Variants in GPRIN3 observed in about 807,000 individuals in gnomAD.
GPRIN3 encodes the protein G protein-regulated inducer of neurite outgrowth 3.
In GPRIN3, 12 loss-of-function variants were observed where a neutral mutation model predicts 13.7. The ratio of observed to expected loss-of-function variants is 0.87; its 90% confidence interval spans 0.56 to 1.42. GPRIN3 has a LOEUF of 1.42. Among genes scored for constraint, GPRIN3 ranks in the 40% most tolerant of loss-of-function variants. GPRIN3 has a pLI of 0.00. For missense variants in GPRIN3, 1,009 were observed against 958.7 expected (o/e 1.05, Z -0.69); for synonymous variants, 377 against 372.7 (o/e 1.01, Z -0.13).
intron 1 of GPRIN3, among the ~76,000 whole-genome samples, chr4:89,272,227 C>A (rs1173563930): frequency 6.6e-6 from 1 of 152,072 alleles, no homozygotes; most frequent in East Asian, 1.9e-4. Context: ...GGAAATGGGG[C>A]CTGTATCTTA....
intron 1 of GPRIN3, among the ~76,000 whole-genome samples, chr4:89,263,653 T>C (rs1267849997): frequency 2.0e-5 from 3 of 152,196 alleles, no homozygotes; most frequent in Non-Finnish European, 4.4e-5. Flanking sequence ...AAGTACCCCA[T>C]CTTTAGCTGA....
At chr4:89,290,146 T>G (rs924892776) in intron 1 of GPRIN3, among the ~76,000 whole-genome samples, 4 of 151,714 alleles carry the variant, frequency 2.6e-5, no homozygotes, top group African/African-American at 9.7e-5. Context: ...AATTTCTGTA[T>G]TTTTTGTAGA....
At position 89,238,946 on chromosome 4, in the gene GPRIN3, A is replaced by C. The variant is rs1722853161; in HGVS notation, c.*8834T>G. On this transcript the variant is annotated 3_prime_UTR_variant, in exon 2 of 2. Transcript: ENST00000609438. ...ATGGTAAAACTAAGTCATTAGTTGA[A>C]TATCAGAATTTTAAGCATCCATTCA... is the stretch of plus-strand genomic sequence containing the variant. 6.6e-6 allele frequency: 1 copy of C among 152,222 alleles called. No homozygotes were observed. The highest frequency in any genetic ancestry group is 6.5e-5 in the Admixed American group (1 of 15,282). The allele number at this position is 152,222 out of a possible 1,614,324, so 9.4% of individuals were successfully genotyped here. A position where few individuals can be genotyped will look rare whatever the true frequency, so the allele number is the denominator to read the frequency against.
At chr4:89,283,545 A>G (rs928583083) in intron 1 of GPRIN3, among the ~76,000 whole-genome samples, 3 of 152,144 alleles carry the variant, frequency 2.0e-5, no homozygotes, top group African/African-American at 4.8e-5. Flanking sequence ...GGAAGTTCAT[A>G]TCTAGTGGGG....
At chr4:89,285,194 C>G (rs1242039669) in intron 1 of GPRIN3, among the ~76,000 whole-genome samples, 1 of 94,050 alleles carries the variant, frequency 1.1e-5, no homozygotes, top group Non-Finnish European at 2.2e-5. Context: ...CTACACAGGG[C>G]GGGGTCGGTT....
chr4:89,295,074 T>A (rs1445600669), intron 1 of GPRIN3, among the ~76,000 whole-genome samples: 1 of 152,208 alleles, frequency 6.6e-6, no homozygotes, highest in African/African-American at 2.4e-5. Context: ...TATAAAGATT[T>A]CTAACAGACC....
intron 1 of GPRIN3, among the ~76,000 whole-genome samples, chr4:89,304,703 T>C (rs970449484): frequency 6.6e-6 from 1 of 152,232 alleles, no homozygotes; most frequent in Non-Finnish European, 1.5e-5. Flanking sequence ...CACTATCATA[T>C]GTTTGCCTTT....
At chr4:89,290,800 T>C (rs374494734) in intron 1 of GPRIN3, among the ~76,000 whole-genome samples, 1 of 152,176 alleles carries the variant, frequency 6.6e-6, no homozygotes, top group Non-Finnish European at 1.5e-5. Context: ...TTGGAATAAA[T>C]AATTTCTCTC....
In GPRIN3 at chr4:89,244,800, C is replaced by G. The variant is rs1241060835; in HGVS notation, c.*2980G>C. On this transcript the variant is annotated 3_prime_UTR_variant, in exon 2 of 2. Transcript: ENST00000609438. ...GGAGTTCTAACTCACCTTTTTACTACTGGTTTAAGGAATATTTTCTATTTC... is the reference window on the plus strand; with the variant it reads ...GGAGTTCTAACTCACCTTTTTACTAGTGGTTTAAGGAATATTTTCTATTTC... 6.6e-6 allele frequency: 1 copy of G among 152,126 alleles called. No homozygotes were observed. The highest frequency in any genetic ancestry group is 1.5e-5 in the Non-Finnish European group (1 of 68,006). The allele number at this position is 152,126 out of a possible 1,614,324, so 9.4% of individuals were successfully genotyped here.
rs903877909 is a variant in GPRIN3 at position 89,245,296 on chromosome 4, G to A, written c.*2484C>T. On this transcript the variant is annotated 3_prime_UTR_variant, in exon 2 of 2. Transcript: ENST00000609438. ...GTAATATTTTGTGACAATCTCTTGA[G>A]TGTTGTAGAAGTGAAGAATTTGGTC... The A allele has an allele frequency of 3.3e-5, 5 of 152,172 alleles. No individual in the cohort carries two copies. The highest frequency in any genetic ancestry group is 1.2e-4 in the African/African-American group (5 of 41,440). 9.4% of individuals were successfully genotyped at this position (152,172 alleles called of 1,614,324 possible).
Position 89,248,304 on chromosome 4 carries a change from T to G in GPRIN3, c.1807A>C (p.Thr603Pro). Residue 603 changes from threonine to proline, a missense_variant, in exon 2 of 2, where the codon ACC (threonine) becomes CCC (proline). Coordinates refer to ENST00000609438, the MANE Select transcript of GPRIN3 (RefSeq NM_198281.3). ...LEENRQTKTA[T>P]SLSLPSDPMG... ...GGATCAGATGGCAGGCTCAGGCTGGTGGCTGTCTTGGTCTGTCTGTTTTCT... is the reference window on the plus strand; with the variant it reads ...GGATCAGATGGCAGGCTCAGGCTGGGGGCTGTCTTGGTCTGTCTGTTTTCT... 3 of 1,614,168 alleles carry G rather than the reference T, an allele frequency of 1.9e-6. No individual in the cohort carries two copies. The highest frequency in any genetic ancestry group is 2.5e-6 in the Non-Finnish European group (3 of 1,180,016).
At chr4:89,262,549 C>T (rs1230073781) in intron 1 of GPRIN3, among the ~76,000 whole-genome samples, 3 of 152,166 alleles carry the variant, frequency 2.0e-5, no homozygotes, top group Non-Finnish European at 2.9e-5. Context: ...TGGATTCGTG[C>T]TGGTCTACGC....
At chr4:89,281,719 A>G (rs1383416058) in intron 1 of GPRIN3, among the ~76,000 whole-genome samples, 1 of 152,070 alleles carries the variant, frequency 6.6e-6, no homozygotes, top group Non-Finnish European at 1.5e-5. Flanking sequence ...GACAGAACAC[A>G]TTTCTGTTGT....
At chr4:89,265,953 C>T (rs1384239782) in intron 1 of GPRIN3, among the ~76,000 whole-genome samples, 4 of 152,076 alleles carry the variant, frequency 2.6e-5, no homozygotes, top group Non-Finnish European at 5.9e-5. Context: ...GGGGTGAGCT[C>T]CACCACATTA....
chr4:89,275,128 A>C (rs1317939288), intron 1 of GPRIN3, among the ~76,000 whole-genome samples: 3 of 88,322 alleles, frequency 3.4e-5, no homozygotes, highest in African/African-American at 9.2e-5. Flanking sequence ...ATAATGGACT[A>C]AGTAACTCTG....
At position 89,248,978 on chromosome 4, in the gene GPRIN3, G is replaced by A. The variant is rs6811370; in HGVS notation, c.1133C>T (p.Ala378Val). Residue 378 changes from alanine to valine, a missense_variant, in exon 2 of 2, where the codon GCC becomes GTC. Physicochemically the swap from Ala to Val is moderately conservative, Grantham distance 64. Transcript: ENST00000609438. The stretch of plus-strand genomic sequence containing the variant: ...AGGGCACTGGCTGGACTCCTGGGGG[G>A]CTAGCGTGCTGTCAGAGAGCTCCAG... ...HTLELSDSTL[A>V]PQESSQCPGI... The A allele has an allele frequency of 3.4e-4, 549 of 1,614,194 alleles. 3 individuals carry two copies. The African/African-American group carries it at 7.0e-3, about 20-fold the overall frequency.
intron 1 of GPRIN3, among the ~76,000 whole-genome samples, chr4:89,272,032 A>G (rs1421907352): frequency 6.6e-6 from 1 of 152,182 alleles, no homozygotes; most frequent in African/African-American, 2.4e-5. Context: ...ACAGCTGTCA[A>G]TGAACCAGAA....
At chr4:89,286,364 C>A (rs1724414094) in intron 1 of GPRIN3, among the ~76,000 whole-genome samples, 1 of 152,076 alleles carries the variant, frequency 6.6e-6, no homozygotes, top group Admixed American at 6.6e-5. Flanking sequence ...TCTGCAAAAT[C>A]TTTTGCTTGT....
At chr4:89,282,348 A>G (rs989711738) in intron 1 of GPRIN3, among the ~76,000 whole-genome samples, 6 of 152,190 alleles carry the variant, frequency 3.9e-5, no homozygotes, top group Non-Finnish European at 8.8e-5. Context: ...AAACAATAAG[A>G]TACTGGGAGT....
Sources: gnomAD v4.1 joint callset for allele counts (sites outside exome capture counted in the v4.1 genomes callset) on GRCh38, gnomAD v4.1.1 for gene constraint, MANE v1.5 for transcripts, NCBI Gene and HGNC (gene_info 2026-07-23, HGNC 2026-07-21) for gene names.